Variants in MSN observed in about 807,000 individuals in gnomAD.
MSN encodes epididymis luminal protein 70.
In MSN, 2 loss-of-function variants were observed where a neutral mutation model predicts 48.0. The observed-to-expected ratio is 0.04, with a 90% CI of 0.02 to 0.13. The LOEUF is 0.13. Among genes scored for constraint, MSN ranks in the 10% least tolerant of loss-of-function variants. The pLI, the probability that MSN is intolerant of heterozygous loss-of-function variation, is 1.00. For missense variants in MSN, 267 were observed against 470.1 expected (o/e 0.57, Z 3.99); for synonymous variants, 146 against 166.9 (o/e 0.87, Z 0.97).
At position 65,727,800 on chromosome X, in the gene MSN, G is replaced by T; in HGVS notation, c.97-14G>T. ...ATTCAATCAATGGTTGGTTGTTTTG[G>T]TTTTCTCTTCTAGGTGGTGAAAACT... On this transcript the variant is annotated splice_polypyrimidine_tract_variant and intron_variant, in intron 2 of 12. Coordinates refer to ENST00000360270, the MANE Select transcript of MSN (RefSeq NM_002444.3). The T allele has an allele frequency of 8.3e-7, 1 of 1,198,696 alleles. No homozygotes were observed.
chrX:65,601,222 T>A (rs2070232590), intron 1 of MSN, among the ~76,000 whole-genome samples: 1 of 111,699 alleles, frequency 9.0e-6, no homozygotes, highest in Non-Finnish European at 1.9e-5. Flanking sequence ...TTTACCCCTC[T>A]GGGCCTCAGT....
At chrX:65,592,611 C>A (rs2070156599) in intron 1 of MSN, among the ~76,000 whole-genome samples, 1 of 111,725 alleles carries the variant, frequency 9.0e-6, no homozygotes, top group African/African-American at 3.3e-5. Flanking sequence ...ATATTAGTCA[C>A]AATACCTCAG....
intron 1 of MSN, among the ~76,000 whole-genome samples, chrX:65,595,657 ACT>A (rs2070181380): frequency 1.8e-5 from 2 of 111,734 alleles, no homozygotes; most frequent in South Asian, 7.4e-4. Flanking sequence ...ATGAGAAATC[ACT>A]CTGGGTGTGG....
rs1257652052 is a variant in MSN, at chrX:65,740,679, A to G, written c.*786A>G. On this transcript the variant is annotated 3_prime_UTR_variant, in exon 13 of 13. Transcript: ENST00000360270. Reference sequence around the variant, plus strand: ...TATAGGCCGGTCTAAAGTGAGCTCTATGGGCAGATCTACCCCTTACTTATT... The same window carrying G: ...TATAGGCCGGTCTAAAGTGAGCTCTGTGGGCAGATCTACCCCTTACTTATT... 2.4e-5 allele frequency: 4 copies of G among 170,133 alleles called. No individual in the cohort carries two copies. Among genetic ancestry groups the G allele is most frequent in the Non-Finnish European group, 4.5e-5 (4 of 89,689 alleles). The allele number at this position is 170,133 out of a possible 1,213,427, so 14.0% of individuals were successfully genotyped here. A position where few individuals can be genotyped will look rare whatever the true frequency, so the allele number is the denominator to read the frequency against.
intron 1 of MSN, among the ~76,000 whole-genome samples, chrX:65,697,508 C>G (rs1472507652): frequency 9.0e-6 from 1 of 111,490 alleles, no homozygotes; most frequent in East Asian, 2.8e-4. Flanking sequence ...TGTGGTTCCT[C>G]CTCACTGCCC....
At chrX:65,693,808 C>A (rs2071199665) in intron 1 of MSN, among the ~76,000 whole-genome samples, 1 of 112,075 alleles carries the variant, frequency 8.9e-6, no homozygotes, top group Admixed American at 9.4e-5. Context: ...AATCCCAGCA[C>A]TTTGGGAGGC....
At chrX:65,612,965 G>A (rs1178806789) in intron 1 of MSN, among the ~76,000 whole-genome samples, 2 of 109,970 alleles carry the variant, frequency 1.8e-5, no homozygotes, top group Non-Finnish European at 1.9e-5. Context: ...ATATGCCATG[G>A]TGGTTTGCTG....
At position 65,729,515 on chromosome X, in the gene MSN, C is replaced by T. The variant is rs777718355; in HGVS notation, c.270C>T (p.Ser90=). 9 of 1,209,734 alleles carry T rather than the reference C, an allele frequency of 7.4e-6. No homozygotes were observed. Among genetic ancestry groups the T allele is most frequent in the African/African-American group, 5.3e-5 (3 of 57,068 alleles). The change falls in exon 4 of 13, where the codon TCC becomes TCT. Residue 90 remains serine, a synonymous_variant. Coordinates refer to ENST00000360270, the MANE Select transcript of MSN (RefSeq NM_002444.3). The stretch of plus-strand genomic sequence containing the variant: ...CCAAGTTCTACCCTGAGGATGTGTC[C>T]GAGGAATTGATTCAGGACATCACTC... ...FRAKFYPEDV[S]EELIQDITQR... is the part of the protein sequence containing the mutation.
upstream of MSN, among the ~76,000 whole-genome samples, chrX:65,666,619 C>T (rs1487340832): frequency 3.6e-5 from 4 of 110,921 alleles, no homozygotes; most frequent in Non-Finnish European, 7.6e-5. Flanking sequence ...ATGCCCGGCT[C>T]TCACTTATTT....
intron 1 of MSN, among the ~76,000 whole-genome samples, chrX:65,636,383 T>G (rs1360294874): frequency 9.0e-6 from 1 of 111,674 alleles, no homozygotes; most frequent in Non-Finnish European, 1.9e-5. Context: ...ACTGACATTC[T>G]TTCCTCTTTG....
chrX:65,733,387 C>G, intron 7 of MSN, 107 bp downstream of exon 7: 3 of 600,608 alleles, frequency 5.0e-6, no homozygotes, highest in Non-Finnish European at 8.2e-6. Context: ...TTTGTGTGTA[C>G]GTGTGTGCGC....
chrX:65,671,066 G>A (rs2070936981), intron 1 of MSN, among the ~76,000 whole-genome samples: 1 of 104,156 alleles, frequency 9.6e-6, no homozygotes, highest in South Asian at 4.5e-4. Context: ...GAATTTTCGA[G>A]ATGTTCTTGA....
At chrX:65,663,854 C>G (rs539073919), upstream of MSN, among the ~76,000 whole-genome samples, 3 of 109,764 alleles carry the variant, frequency 2.7e-5, no homozygotes, top group African/African-American at 9.9e-5. Context: ...GTCAGGAGAT[C>G]GAGACCATCC....
At chrX:65,613,124 T>C (rs2148355527) in intron 1 of MSN, among the ~76,000 whole-genome samples, 1 of 111,098 alleles carries the variant, frequency 9.0e-6, no homozygotes, top group African/African-American at 3.3e-5. Flanking sequence ...GAACATGCTG[T>C]GTTTGATTTT....
chrX:65,678,522 T>C (rs981478259), intron 1 of MSN, among the ~76,000 whole-genome samples: 3 of 111,446 alleles, frequency 2.7e-5, no homozygotes, highest in Non-Finnish European at 3.8e-5. Flanking sequence ...AAACTATTTC[T>C]TTGGAGCAGG....
Position 65,651,988 on chromosome X carries a change from C to T in MSN, c.-22+63376C>T, listed in dbSNP as rs777921388. ...ATCCCAGGCCAGGCATGGTGGCTCA[C>T]GCCTGTAATCCCAGCACTTTGGGAG... On this transcript the variant is annotated intron_variant, in intron 1 of 3. Transcript: ENST00000609672. 1.3e-3 allele frequency among the ~76,000 whole-genome samples: 145 copies of T among 108,023 alleles called. 1 individual carries two copies. The highest frequency in any genetic ancestry group is 2.3e-3 in the Non-Finnish European group (122 of 51,981). The allele number at this position is 108,023 out of a possible 115,157, so 93.8% of individuals were successfully genotyped here.
intron 1 of MSN, among the ~76,000 whole-genome samples, chrX:65,647,697 T>C (rs1387660688): frequency 8.9e-6 from 1 of 111,834 alleles, no homozygotes; most frequent in East Asian, 2.8e-4. Flanking sequence ...TCATGGGGGA[T>C]GGATTGGAGG....
intron 1 of MSN, among the ~76,000 whole-genome samples, chrX:65,590,560 G>A (rs1040121171): frequency 7.2e-5 from 8 of 111,253 alleles, no homozygotes; most frequent in African/African-American, 9.8e-5. Context: ...CTTGGGACTC[G>A]AATCTATAGA....
chrX:65,704,620 G>A (rs1476898047), intron 1 of MSN, among the ~76,000 whole-genome samples: 1 of 110,274 alleles, frequency 9.1e-6, no homozygotes, highest in African/African-American at 3.3e-5. Context: ...AGCAGTGCCA[G>A]CTTGGAGTTT....
Sources: allele counts gnomAD v4.1 joint callset (sites outside exome capture counted in the v4.1 genomes callset), GRCh38; gene constraint gnomAD v4.1.1; transcripts MANE v1.5; gene names NCBI Gene and HGNC (gene_info 2026-07-23, HGNC 2026-07-21).